Variants in CNTN5 observed in about 807,000 individuals in gnomAD.
The protein encoded by CNTN5 is contactin-5.
In CNTN5, 77 loss-of-function variants were observed where a neutral mutation model predicts 129.1. The ratio of observed to expected loss-of-function variants is 0.60; its 90% confidence interval spans 0.50 to 0.72. The LOEUF (loss-of-function observed/expected upper bound fraction) is 0.72. Ranked by LOEUF, CNTN5 falls within the 30% of genes least tolerant of loss-of-function variation. CNTN5 has a pLI of 0.00. For missense variants in CNTN5, 1,478 were observed against 1,328.8 expected (o/e 1.11, Z -1.75); for synonymous variants, 509 against 465.6 (o/e 1.09, Z -1.20).
chr11:100,114,584 G>A (rs912194008), intron 13 of CNTN5, among the ~76,000 whole-genome samples: 5 of 152,100 alleles, frequency 3.3e-5, no homozygotes, highest in Non-Finnish European at 7.4e-5. Context: ...GCTTAGTGTA[G>A]TGTGTTAAAA....
At chr11:99,115,849 G>T (rs963993885) in intron 1 of CNTN5, among the ~76,000 whole-genome samples, 1 of 152,010 alleles carries the variant, frequency 6.6e-6, no homozygotes, top group African/African-American at 2.4e-5. Context: ...AGAAAGGAAG[G>T]AGACACAGCT....
chr11:99,906,058 A>G (rs1949496221), intron 6 of CNTN5, among the ~76,000 whole-genome samples: 1 of 152,154 alleles, frequency 6.6e-6, no homozygotes, highest in Non-Finnish European at 1.5e-5. Context: ...GGTTTGCTAT[A>G]TATACAGTCG....
chr11:99,424,169 A>G (rs567048674), intron 2 of CNTN5, among the ~76,000 whole-genome samples: 39 of 152,348 alleles, frequency 2.6e-4, no homozygotes, highest in African/African-American at 8.7e-4. Context: ...AATTTTAACA[A>G]TATGGCAACA....
chr11:99,672,896 G>A (rs1001236591), intron 3 of CNTN5, among the ~76,000 whole-genome samples: 39 of 152,090 alleles, frequency 2.6e-4, no homozygotes, highest in African/African-American at 8.9e-4. Context: ...AAAAGTGGAA[G>A]GGAAATTTAA....
At chr11:99,882,445 G>A (rs1029748082) in intron 6 of CNTN5, among the ~76,000 whole-genome samples, 3 of 152,108 alleles carry the variant, frequency 2.0e-5, no homozygotes, top group African/African-American at 7.2e-5. Context: ...AAAAGTAGAC[G>A]CTGAAGTCAG....
At chr11:99,245,079 G>C (rs1168303358) in intron 1 of CNTN5, among the ~76,000 whole-genome samples, 1 of 151,946 alleles carries the variant, frequency 6.6e-6, no homozygotes, top group Non-Finnish European at 1.5e-5. Context: ...GTACAATGAG[G>C]CATATGCAAA....
At chr11:99,505,215 A>T (rs1359411467) in intron 2 of CNTN5, among the ~76,000 whole-genome samples, 1 of 152,196 alleles carries the variant, frequency 6.6e-6, no homozygotes, top group East Asian at 1.9e-4. Context: ...ATGGGTGACC[A>T]TTTATTGCTT....
rs144266812 is a variant in CNTN5 at position 99,242,770 on chromosome 11, A to C, written c.-209-82576A>C. On this transcript the variant is annotated intron_variant, in intron 1 of 24. Transcript: ENST00000524871. ...CTGTCCCTGCATTAATTTGCCTAGG[A>C]TAATGGCCTCCAGCTCCATTCATGT... Among the ~76,000 whole-genome samples the C allele has an allele frequency of 7.6e-3, 1,162 of 152,280 alleles. 5 individuals are homozygous for C. Among genetic ancestry groups the C allele is most frequent in the Non-Finnish European group, 0.013 (859 of 67,986 alleles).
intron 2 of CNTN5, among the ~76,000 whole-genome samples, chr11:99,462,355 C>CTTTTTTTTTTTTTTTT (rs1944736334): frequency 1.1e-5 from 1 of 88,332 alleles, no homozygotes; most frequent in Non-Finnish European, 2.3e-5. Flanking sequence ...TTTTTCTTTT[C>CTTTTTTTTTTTTTTTT]TTTTCTTTTT....
intron 1 of CNTN5, among the ~76,000 whole-genome samples, chr11:99,246,443 C>A (rs1349733170): frequency 6.6e-6 from 1 of 152,196 alleles, no homozygotes; most frequent in East Asian, 1.9e-4. Context: ...ATGGTAGGTA[C>A]GGATTTATAT....
intron 3 of CNTN5, among the ~76,000 whole-genome samples, chr11:99,679,891 A>G: frequency 6.6e-6 from 1 of 152,226 alleles, no homozygotes; most frequent in South Asian, 2.1e-4. Flanking sequence ...TCCAGTGAAC[A>G]TACAAATAAT....
intron 21 of CNTN5, among the ~76,000 whole-genome samples, chr11:100,331,043 ATAGAT>A (rs1265084621): frequency 1.3e-5 from 2 of 152,204 alleles, no homozygotes; most frequent in African/African-American, 4.8e-5. Flanking sequence ...GAATGGCAGA[ATAGAT>A]AAAAATTCAC....
At chr11:99,624,077 C>A (rs1490974596) in intron 3 of CNTN5, among the ~76,000 whole-genome samples, 1 of 151,940 alleles carries the variant, frequency 6.6e-6, no homozygotes, top group Non-Finnish European at 1.5e-5. Context: ...ATCTTCTGAA[C>A]CCTCATTTGG....
intron 3 of CNTN5, among the ~76,000 whole-genome samples, chr11:99,792,462 G>T (rs78708073): frequency 0.034 from 5,122 of 151,494 alleles, 131 homozygotes; most frequent in South Asian, 0.097. Context: ...TGTGCTGCTG[G>T]ATATGGATAT....
intron 9 of CNTN5, among the ~76,000 whole-genome samples, chr11:100,037,324 G>C (rs1942078969): frequency 6.6e-6 from 1 of 151,906 alleles, no homozygotes; most frequent in African/African-American, 2.4e-5. Context: ...AAGCCCACTT[G>C]ATCTTGGTGG....
intron 2 of CNTN5, among the ~76,000 whole-genome samples, chr11:99,352,302 C>T (rs561801393): frequency 2.6e-5 from 4 of 152,216 alleles, no homozygotes; most frequent in African/African-American, 9.6e-5. Flanking sequence ...CTATTAGAGC[C>T]AAGGTATTTT....
At chr11:99,475,812 A>G (rs1483453812) in intron 2 of CNTN5, among the ~76,000 whole-genome samples, 3 of 151,322 alleles carry the variant, frequency 2.0e-5, no homozygotes, top group Non-Finnish European at 2.9e-5. Context: ...GATGGTTTCT[A>G]TTTCCCTCTT....
intron 9 of CNTN5, among the ~76,000 whole-genome samples, chr11:100,002,986 G>A (rs144680695): frequency 1.3e-3 from 195 of 152,074 alleles, no homozygotes; most frequent in South Asian, 0.012. Flanking sequence ...TAAAGTACTC[G>A]GAGATAAAGC....
intron 9 of CNTN5, among the ~76,000 whole-genome samples, chr11:100,038,020 T>C (rs975453301): frequency 6.6e-6 from 1 of 152,060 alleles, no homozygotes; most frequent in African/African-American, 2.4e-5. Flanking sequence ...CTTTTGAATG[T>C]GTTTGCTCTT....
Sources: gnomAD v4.1 joint callset for allele counts (sites outside exome capture counted in the v4.1 genomes callset) on GRCh38, gnomAD v4.1.1 for gene constraint, MANE v1.5 for transcripts, NCBI Gene and HGNC (gene_info 2026-07-23, HGNC 2026-07-21) for gene names.